Variants in CCNYL1 observed in about 807,000 individuals in gnomAD.
CCNYL1 encodes cyclin Y like 1.
Under a neutral mutation model 44.2 loss-of-function variants are expected in CCNYL1, and 16 were observed. That is an observed-to-expected ratio of 0.36 (90% CI 0.25 to 0.55). CCNYL1 has a LOEUF of 0.55. Ranked by LOEUF, CCNYL1 falls within the 20% of genes least tolerant of loss-of-function variation. The pLI is 0.85. For missense variants in CCNYL1, 348 were observed against 451.8 expected, an observed-to-expected ratio of 0.77 and a Z score of 2.08; for synonymous variants, 159 against 163.2, an observed-to-expected ratio of 0.97 and a Z score of 0.20.
In CCNYL1 at chr2:207,737,275, C is replaced by A. The variant is rs1001574997; in HGVS notation, c.432-136C>A. Reference sequence around the variant, plus strand: ...AGGAACTAAAACAAGGGGAAAGTACCCATATGGTACTGTTCTGAACTAGAG... The same window carrying A: ...AGGAACTAAAACAAGGGGAAAGTACACATATGGTACTGTTCTGAACTAGAG... On this transcript the variant is annotated intron_variant, in intron 4 of 9. Coordinates refer to ENST00000295414, the MANE Select transcript of CCNYL1 (RefSeq NM_001330218.2). 1.5e-5 allele frequency: 10 copies of A among 661,976 alleles called. No individual in the cohort carries two copies. In the African/African-American group the frequency reaches 1.9e-4, roughly 12 times the overall value. 41.0% of individuals were successfully genotyped at this position (661,976 alleles called of 1,614,324 possible).
At position 207,726,825 on chromosome 2, in the gene CCNYL1, A is replaced by T; in HGVS notation, c.296-17A>T. 1 of 1,559,196 alleles carries T rather than the reference A, an allele frequency of 6.4e-7. No individual in the cohort carries two copies. Among genetic ancestry groups the T allele is most frequent in the Non-Finnish European group, 8.7e-7 (1 of 1,153,060 alleles). On this transcript the variant is annotated splice_polypyrimidine_tract_variant and intron_variant, in intron 2 of 9. Coordinates refer to ENST00000295414, the MANE Select transcript of CCNYL1 (RefSeq NM_001330218.2). ...CATTTGTATCAGAATTGATCAGCTAATTTTTTTTATTCTTAGTGCGAGAAA... is the reference window on the plus strand; with the variant it reads ...CATTTGTATCAGAATTGATCAGCTATTTTTTTTTATTCTTAGTGCGAGAAA...
chr2:207,745,145 G>A (rs2091845195), intron 7 of CCNYL1, among the ~76,000 whole-genome samples: 1 of 152,130 alleles, frequency 6.6e-6, no homozygotes, highest in African/African-American at 2.4e-5. Flanking sequence ...CTGACACCAG[G>A]ACATGATGCT....
chr2:207,712,981 A>C lies in CCNYL1; in HGVS notation c.220+865A>C, dbSNP rs368581376. On this transcript the variant is annotated intron_variant, in intron 1 of 9. Coordinates refer to ENST00000295414, the MANE Select transcript of CCNYL1 (RefSeq NM_001330218.2). ...CAGGCGTGCGCCACCACGCCCAGCTAATTTTTGAATTTTTAGTAGAGACGG... is the reference window on the plus strand; with the variant it reads ...CAGGCGTGCGCCACCACGCCCAGCTCATTTTTGAATTTTTAGTAGAGACGG... Among the ~76,000 whole-genome samples, 4 of 151,610 alleles carry C rather than the reference A, an allele frequency of 2.6e-5. No individual in the cohort carries two copies. In the South Asian group the frequency reaches 8.4e-4, roughly 32 times the overall value.
intron 4 of CCNYL1, among the ~76,000 whole-genome samples, chr2:207,735,602 AC>A (rs2091758857): frequency 6.6e-6 from 1 of 152,188 alleles, no homozygotes; most frequent in Non-Finnish European, 1.5e-5. Flanking sequence ...GTGGTGACTG[AC>A]ACCTGTAATC....
intron 1 of CCNYL1, among the ~76,000 whole-genome samples, chr2:207,719,302 CT>C (rs11412847): frequency 1.1e-3 from 148 of 133,024 alleles, no homozygotes; most frequent in African/African-American, 3.3e-3. Context: ...ATAGCAATTG[CT>C]TTTTTTTTTT....
At chr2:207,730,681 C>T (rs1354781955) in intron 3 of CCNYL1, among the ~76,000 whole-genome samples, 5 of 152,136 alleles carry the variant, frequency 3.3e-5, no homozygotes, top group African/African-American at 1.2e-4. Context: ...TTGCTTGAAC[C>T]TGGGAGGTGG....
At chr2:207,748,770 C>A (rs528225479) in intron 8 of CCNYL1, among the ~76,000 whole-genome samples, 5 of 152,298 alleles carry the variant, frequency 3.3e-5, no homozygotes, top group African/African-American at 1.2e-4. Context: ...ATTGTGGTAG[C>A]TGTTGAAGTG....
intron 3 of CCNYL1, among the ~76,000 whole-genome samples, chr2:207,729,775 A>C (rs1214730619): frequency 2.0e-5 from 3 of 151,592 alleles, no homozygotes; most frequent in Non-Finnish European, 4.4e-5. Context: ...GCGTGATCTC[A>C]GCGCCCTCTG....
intron 8 of CCNYL1, among the ~76,000 whole-genome samples, chr2:207,748,541 A>G (rs774335905): frequency 6.6e-6 from 1 of 152,248 alleles, no homozygotes; most frequent in African/African-American, 2.4e-5. Context: ...GGTGCCCACC[A>G]GACAGTGAGA....
chr2:207,715,227 C>T (rs1012815980), intron 1 of CCNYL1, among the ~76,000 whole-genome samples: 4 of 152,016 alleles, frequency 2.6e-5, no homozygotes, highest in Admixed American at 2.6e-4. Flanking sequence ...GAGATCGTGC[C>T]ACTGCACTCT....
In CCNYL1 at chr2:207,756,157, ACT is replaced by A. The variant is rs1254303854; in HGVS notation, c.*2462_*2463del. 3.5e-4 allele frequency: 53 copies of A among 152,144 alleles called. No homozygotes were observed. The highest frequency in any genetic ancestry group is 1.0e-3 in the African/African-American group (43 of 41,520). 9.4% of individuals were successfully genotyped at this position (152,144 alleles called of 1,614,324 possible). ...TCATGTTTATATTAAAAGCTAATAA[ACT>A]CTATTTTAATTAAAATATGGCTAGT... is the stretch of plus-strand genomic sequence containing the variant. On this transcript the variant is annotated 3_prime_UTR_variant, in exon 10 of 10. Transcript: ENST00000295414.
At position 207,755,445 on chromosome 2, in the gene CCNYL1, C is replaced by T. The variant is rs998009220; in HGVS notation, c.*1747C>T. On this transcript the variant is annotated 3_prime_UTR_variant, in exon 10 of 10. Transcript: ENST00000295414. ...AAGGTTTGTAGCATTTATATTTCTA[C>T]AAGTATCAAAGCTTAAAATTACACT... 1.3e-5 allele frequency: 2 copies of T among 152,158 alleles called. No homozygotes were observed. Among genetic ancestry groups the T allele is most frequent in the East Asian group, 3.8e-4 (2 of 5,196 alleles). The allele number at this position is 152,158 out of a possible 1,614,324, so 9.4% of individuals were successfully genotyped here.
In CCNYL1 at chr2:207,726,886, C is replaced by G. The variant is rs1347035741; in HGVS notation, c.330+10C>G. The G allele has an allele frequency of 1.9e-6, 3 of 1,541,502 alleles. No homozygotes were observed. In the South Asian group the frequency reaches 3.7e-5, roughly 19 times the overall value. The stretch of plus-strand genomic sequence containing the variant: ...CAACCATTTGAACCATGTAAGTAAA[C>G]AGTTGGAAAGCTAAGAAATTAACAG... On this transcript the variant is annotated intron_variant, in intron 3 of 9. Transcript: ENST00000295414.
chr2:207,737,077 G>A (rs562195034), intron 4 of CCNYL1, among the ~76,000 whole-genome samples: 120 of 152,138 alleles, frequency 7.9e-4, no homozygotes, highest in Non-Finnish European at 1.3e-3. Flanking sequence ...TACCACGCCC[G>A]GCTAATTTTT....
intron 1 of CCNYL1, among the ~76,000 whole-genome samples, chr2:207,719,266 A>G (rs1214943029): frequency 6.7e-6 from 1 of 149,876 alleles, no homozygotes; most frequent in Admixed American, 6.6e-5. Flanking sequence ...ACTTTGTTTT[A>G]TAATTTATTG....
At chr2:207,724,968 G>A in intron 2 of CCNYL1, 94 bp downstream of exon 2, 9 of 949,088 alleles carry the variant, frequency 9.5e-6, no homozygotes, top group Non-Finnish European at 1.4e-5. Context: ...AAGAACTGAT[G>A]TATTAGTTTA....
intron 3 of CCNYL1, among the ~76,000 whole-genome samples, chr2:207,727,966 T>C (rs1189822125): frequency 1.1e-3 from 151 of 140,576 alleles, no homozygotes; most frequent in Admixed American, 2.4e-3. Context: ...CTCTCTCTCT[T>C]TTTTTTTTTT....
chr2:207,745,833 T>C (rs917214415), intron 7 of CCNYL1, among the ~76,000 whole-genome samples: 1 of 152,046 alleles, frequency 6.6e-6, no homozygotes, highest in Non-Finnish European at 1.5e-5. Flanking sequence ...CTCAGCTACT[T>C]GGGAGGCTGA....
chr2:207,745,347 T>C (rs72962182), intron 7 of CCNYL1, among the ~76,000 whole-genome samples: 2 of 152,080 alleles, frequency 1.3e-5, no homozygotes, highest in African/African-American at 4.8e-5. Context: ...AGAAAAGAAC[T>C]CTCACACTGA....
Sources: gnomAD v4.1 joint callset for allele counts (sites outside exome capture counted in the v4.1 genomes callset) on GRCh38, gnomAD v4.1.1 for gene constraint, MANE v1.5 for transcripts, NCBI Gene and HGNC (gene_info 2026-07-23, HGNC 2026-07-21) for gene names.